LRRC20: variants seen among roughly 807,000 people sequenced by gnomAD.
LRRC20 encodes leucine rich repeat containing 20, also known as leucine-rich repeat-containing protein 20.
A neutral mutation model predicts 14.4 loss-of-function variants in LRRC20; 11 were observed. That is an observed-to-expected ratio of 0.77 (90% confidence interval 0.48 to 1.27). LRRC20 has a LOEUF of 1.27. LRRC20 is among the 50% of genes most tolerant of loss of function. The pLI, the probability that LRRC20 is intolerant of heterozygous loss-of-function variation, is 0.00. For missense variants in LRRC20, 219 were observed against 251.2 expected (o/e 0.87, Z 0.87); for synonymous variants, 121 against 107.3 (o/e 1.13, Z -0.79).
At chr10:70,328,572 C>T (rs1302167240) in intron 3 of LRRC20, among the ~76,000 whole-genome samples, 1 of 152,212 alleles carries the variant, frequency 6.6e-6, no homozygotes, top group East Asian at 1.9e-4. Context: ...GCTAGGATTA[C>T]AGGCATGAGC....
chr10:70,369,756 C>G (rs1197199585), intron 2 of LRRC20, among the ~76,000 whole-genome samples: 1 of 151,846 alleles, frequency 6.6e-6, no homozygotes, highest in African/African-American at 2.4e-5. Flanking sequence ...TTAAAACCAG[C>G]AAACTGTTTA....
chr10:70,311,145 A>G (rs967167461), intron 4 of LRRC20, among the ~76,000 whole-genome samples: 3 of 151,568 alleles, frequency 2.0e-5, no homozygotes, highest in Non-Finnish European at 4.4e-5. Flanking sequence ...CTATGGCTGC[A>G]TCATAATCCA....
chr10:70,351,009 C>T (rs1843282563), intron 2 of LRRC20, among the ~76,000 whole-genome samples: 1 of 152,050 alleles, frequency 6.6e-6, no homozygotes, highest in African/African-American at 2.4e-5. Flanking sequence ...ACAGTGAGAC[C>T]CTGTCTCTAG....
chr10:70,303,006 G>A (rs1280980198), intron 4 of LRRC20, among the ~76,000 whole-genome samples: 7 of 150,034 alleles, frequency 4.7e-5, no homozygotes, highest in Non-Finnish European at 1.0e-4. Context: ...CACTGCGCCC[G>A]GCCCTCTATT....
chr10:70,350,841 G>C (rs1489721026), intron 2 of LRRC20, among the ~76,000 whole-genome samples: 1 of 152,184 alleles, frequency 6.6e-6, no homozygotes, highest in African/African-American at 2.4e-5. Context: ...GGAATCTCAG[G>C]GTTAGGAGAC....
Position 70,324,846 on chromosome 10 carries a change from G to A in LRRC20, c.233-816C>T, listed in dbSNP as rs565093911. On this transcript the variant is annotated intron_variant, in intron 3 of 4. Coordinates refer to ENST00000446961, the MANE Select transcript of LRRC20 (RefSeq NM_001278212.2). ...AGTCCCCATGCTTGGGTACACACCA[G>A]CCGTGCCCCTACTTTCACTGTTCTT... Among the ~76,000 whole-genome samples the A allele has an allele frequency of 5.3e-5, 8 of 152,304 alleles. No homozygotes were observed. The East Asian group carries it at 5.8e-4, about 11-fold the overall frequency.
chr10:70,321,210 T>C (rs1026447228), intron 4 of LRRC20, among the ~76,000 whole-genome samples: 6 of 152,242 alleles, frequency 3.9e-5, no homozygotes, highest in Admixed American at 6.5e-5. Context: ...TCTGAAGGCA[T>C]CCTAAGTTTC....
intron 3 of LRRC20, among the ~76,000 whole-genome samples, chr10:70,330,229 C>T (rs923537681): frequency 2.0e-5 from 3 of 151,626 alleles, no homozygotes; most frequent in Non-Finnish European, 4.4e-5. Flanking sequence ...ATGCAATCAC[C>T]TGGGCTTGGA....
intron 2 of LRRC20, among the ~76,000 whole-genome samples, chr10:70,364,823 G>T (rs1382183342): frequency 1.3e-5 from 2 of 152,116 alleles, no homozygotes; most frequent in Non-Finnish European, 2.9e-5. Context: ...TAGCTGCTCA[G>T]GTCCCTCCCC....
chr10:70,329,202 G>A (rs1842439340), intron 3 of LRRC20, among the ~76,000 whole-genome samples: 1 of 152,212 alleles, frequency 6.6e-6, no homozygotes, highest in African/African-American at 2.4e-5. Context: ...CAAGCTTACA[G>A]ACAAGTGCAG....
rs373588441 is a variant in LRRC20 at position 70,368,157 on chromosome 10, C to CTTTT, written c.82+8291_82+8294dup. On this transcript the variant is annotated intron_variant, in intron 2 of 4. Transcript: ENST00000446961. Reference sequence around the variant, plus strand: ...CATCACCATGCCTGGCTAATTTTTGCTTTTTTTTTTTTTTTTTTGAAACGG... The same window carrying CTTTT: ...CATCACCATGCCTGGCTAATTTTTGCTTTTTTTTTTTTTTTTTTTTTTGAAACGG... Among the ~76,000 whole-genome samples the CTTTT allele has an allele frequency of 5.8e-5, 6 of 102,796 alleles. No individual in the cohort carries two copies. The East Asian group carries it at 8.3e-4, about 14-fold the overall frequency. 67.4% of individuals were successfully genotyped at this position (102,796 alleles called of 152,430 possible). A position where few individuals can be genotyped will look rare whatever the true frequency, so the allele number is the denominator to read the frequency against.
At chr10:70,368,446 C>T (rs1026858221) in intron 2 of LRRC20, among the ~76,000 whole-genome samples, 11 of 151,832 alleles carry the variant, frequency 7.2e-5, no homozygotes, top group Admixed American at 5.9e-4. Context: ...GGTGAGCCAC[C>T]GCGCCCGGCC....
intron 3 of LRRC20, among the ~76,000 whole-genome samples, chr10:70,336,428 C>T (rs1842727774): frequency 6.6e-6 from 1 of 152,240 alleles, no homozygotes; most frequent in African/African-American, 2.4e-5. Context: ...TGTAGGAAGT[C>T]AGACTGCTAT....
At chr10:70,344,239 A>AAGAAC (rs1252592170) in intron 2 of LRRC20, among the ~76,000 whole-genome samples, 1 of 152,182 alleles carries the variant, frequency 6.6e-6, no homozygotes, top group African/African-American at 2.4e-5. Context: ...AAGAAAAGAA[A>AAGAAC]AGTCAAGTCA....
At chr10:70,380,584 G>A (rs1390721947) in intron 1 of LRRC20, among the ~76,000 whole-genome samples, 2 of 152,202 alleles carry the variant, frequency 1.3e-5, no homozygotes, top group African/African-American at 4.8e-5. Flanking sequence ...CCAGCCAGCT[G>A]GCACTACTGG....
intron 3 of LRRC20, among the ~76,000 whole-genome samples, chr10:70,328,672 C>T (rs7917374): frequency 1 from 152,336 of 152,336 alleles, 76,168 homozygotes; most frequent in Non-Finnish European, 1. Flanking sequence ...AATCCCAGCA[C>T]TTTGGGAGGC....
intron 3 of LRRC20, among the ~76,000 whole-genome samples, chr10:70,328,383 G>A (rs1319665246): frequency 2.6e-5 from 4 of 151,256 alleles, no homozygotes; most frequent in South Asian, 2.1e-4. Flanking sequence ...TGCAACCTCC[G>A]CTCCCTGGGT....
intron 4 of LRRC20, 129 bp downstream of exon 4, chr10:70,323,734 C>T: frequency 9.5e-7 from 1 of 1,052,436 alleles, no homozygotes; most frequent in Non-Finnish European, 1.4e-6. Context: ...GGCCCCATGT[C>T]CTTTGCTCAG....
chr10:70,353,486 C>T (rs981397431), intron 2 of LRRC20, among the ~76,000 whole-genome samples: 10 of 151,838 alleles, frequency 6.6e-5, no homozygotes, highest in East Asian at 3.9e-4. Flanking sequence ...GGTGTAATCT[C>T]GGCTCACTGC....
Sources: gnomAD v4.1 joint callset for allele counts (sites outside exome capture counted in the v4.1 genomes callset) on GRCh38, gnomAD v4.1.1 for gene constraint, MANE v1.5 for transcripts, NCBI Gene and HGNC (gene_info 2026-07-23, HGNC 2026-07-21) for gene names.